KIAA1328: variants seen among roughly 807,000 people sequenced by gnomAD.
KIAA1328 encodes protein hinderin.
In KIAA1328, 52 loss-of-function variants were observed where a neutral mutation model predicts 68.1. The ratio of observed to expected loss-of-function variants is 0.76; its 90% CI spans 0.61 to 0.96. KIAA1328 has a LOEUF of 0.96. Ranked by LOEUF, KIAA1328 falls within the 40% of genes least tolerant of loss-of-function variation. The pLI is 0.00. For synonymous variants in KIAA1328, 232 were observed against 239.4 expected, an observed-to-expected ratio of 0.97 and a Z score of 0.28; for missense variants, 641 against 677.6, an observed-to-expected ratio of 0.95 and a Z score of 0.60.
At chr18:37,219,862 G>A (rs1216380315) in intron 9 of KIAA1328, among the ~76,000 whole-genome samples, 2 of 152,118 alleles carry the variant, frequency 1.3e-5, no homozygotes, top group East Asian at 3.9e-4. Context: ...CCAATGAGAT[G>A]AACCAGGTAC....
At chr18:37,024,346 ATATTTAT>A (rs1467121154) in intron 6 of KIAA1328, among the ~76,000 whole-genome samples, 1 of 140,982 alleles carries the variant, frequency 7.1e-6, no homozygotes. Flanking sequence ...TTTTATGTAT[ATATTTAT>A]TATTTATTTA....
At chr18:36,887,995 C>G (rs192128803) in intron 5 of KIAA1328, among the ~76,000 whole-genome samples, 25 of 152,288 alleles carry the variant, frequency 1.6e-4, no homozygotes, top group Admixed American at 9.2e-4. Context: ...AAAGTAGAAT[C>G]TAACTCAAGT....
chr18:36,878,262 T>G (rs1489150040), intron 4 of KIAA1328, among the ~76,000 whole-genome samples: 1 of 152,208 alleles, frequency 6.6e-6, no homozygotes, highest in Non-Finnish European at 1.5e-5. Context: ...GTAAAGGATT[T>G]TATTTCTCCT....
At chr18:37,014,926 C>T (rs2151503133) in intron 6 of KIAA1328, among the ~76,000 whole-genome samples, 1 of 152,214 alleles carries the variant, frequency 6.6e-6, no homozygotes, top group African/African-American at 2.4e-5. Context: ...TTTTTTTAGA[C>T]AGAGTCTAGC....
chr18:37,130,076 T>C (rs1044006483), intron 7 of KIAA1328, among the ~76,000 whole-genome samples: 3 of 152,192 alleles, frequency 2.0e-5, no homozygotes, highest in Non-Finnish European at 4.4e-5. Context: ...TCATCTTTCC[T>C]ATAAAGAAAT....
chr18:37,198,668 A>G (rs980049648), intron 9 of KIAA1328, among the ~76,000 whole-genome samples: 11 of 152,228 alleles, frequency 7.2e-5, no homozygotes, highest in Admixed American at 1.3e-4. Context: ...GGTTGCCCTT[A>G]TCTAAGAGAA....
chr18:36,951,854 C>G (rs2051174298), intron 5 of KIAA1328, among the ~76,000 whole-genome samples: 1 of 152,222 alleles, frequency 6.6e-6, no homozygotes, highest in South Asian at 2.1e-4. Context: ...CCTCTCATCT[C>G]TTGCTTAGAC....
At chr18:37,021,832 A>G (rs1368384461) in intron 6 of KIAA1328, among the ~76,000 whole-genome samples, 2 of 151,900 alleles carry the variant, frequency 1.3e-5, no homozygotes, top group East Asian at 3.9e-4. Flanking sequence ...AGGTCAGGAG[A>G]TCAAGACCAT....
chr18:37,092,561 T>C (rs1403810188), intron 7 of KIAA1328, among the ~76,000 whole-genome samples: 1 of 152,050 alleles, frequency 6.6e-6, no homozygotes, highest in African/African-American at 2.4e-5. Flanking sequence ...CTTTGCCTAC[T>C]GCCACCTGCA....
At chr18:36,889,013 C>T (rs1306914039) in intron 5 of KIAA1328, among the ~76,000 whole-genome samples, 2 of 152,096 alleles carry the variant, frequency 1.3e-5, no homozygotes, top group African/African-American at 2.4e-5. Flanking sequence ...TATTGATCAG[C>T]TGTACAAACA....
chr18:36,940,644 T>C (rs910077101), intron 5 of KIAA1328, among the ~76,000 whole-genome samples: 4 of 151,928 alleles, frequency 2.6e-5, no homozygotes, highest in Non-Finnish European at 5.9e-5. Flanking sequence ...TAAGCTGCAT[T>C]CATCATTGGT....
chr18:36,890,072 T>C (rs769779854), intron 5 of KIAA1328, among the ~76,000 whole-genome samples: 1 of 152,140 alleles, frequency 6.6e-6, no homozygotes, highest in Non-Finnish European at 1.5e-5. Flanking sequence ...GGTCTGTTTC[T>C]ATTATCTCTC....
At chr18:36,933,471 G>T (rs1387119823) in intron 5 of KIAA1328, among the ~76,000 whole-genome samples, 1 of 152,160 alleles carries the variant, frequency 6.6e-6, no homozygotes. Context: ...ATATTTCTCA[G>T]ACCAGCCCTG....
At chr18:37,077,083 C>T (rs2056766154) in intron 7 of KIAA1328, among the ~76,000 whole-genome samples, 1 of 151,610 alleles carries the variant, frequency 6.6e-6, no homozygotes, top group South Asian at 2.1e-4. Flanking sequence ...CAAAAATCCT[C>T]AATAAAATAC....
intron 9 of KIAA1328, among the ~76,000 whole-genome samples, chr18:37,189,369 C>T (rs1264766836): frequency 2.0e-5 from 3 of 152,144 alleles, no homozygotes; most frequent in Admixed American, 6.5e-5. Context: ...TTATTATTTA[C>T]ATTGGATATT....
intron 5 of KIAA1328, among the ~76,000 whole-genome samples, chr18:36,905,204 C>T (rs541179269): frequency 8.6e-5 from 13 of 151,882 alleles, no homozygotes; most frequent in East Asian, 1.9e-4. Context: ...CTCCGCCTCC[C>T]GGATTCAAGT....
chr18:36,944,780 C>G (rs1464735932), intron 5 of KIAA1328, among the ~76,000 whole-genome samples: 3 of 152,074 alleles, frequency 2.0e-5, no homozygotes, highest in East Asian at 3.9e-4. Flanking sequence ...AGGAAGTGAC[C>G]AGCAAAGAGG....
At chr18:37,090,774 T>G (rs2057244784) in intron 7 of KIAA1328, among the ~76,000 whole-genome samples, 2 of 152,194 alleles carry the variant, frequency 1.3e-5, no homozygotes, top group Admixed American at 6.5e-5. Flanking sequence ...TTATTTAAAT[T>G]TAGGTCATAC....
At chr18:37,063,573 G>A in intron 6 of KIAA1328, 1 of 919,170 alleles carries the variant, frequency 1.1e-6, no homozygotes, top group Non-Finnish European at 1.3e-6. Context: ...ACACTAGGGG[G>A]TGAGAATCAC....
Sources: gnomAD v4.1 joint callset for allele counts (sites outside exome capture counted in the v4.1 genomes callset) on GRCh38, gnomAD v4.1.1 for gene constraint, MANE v1.5 for transcripts, NCBI Gene and HGNC (gene_info 2026-07-23, HGNC 2026-07-21) for gene names.